COLEC10: variants seen among roughly 807,000 people sequenced by gnomAD.
COLEC10 encodes the protein collectin subfamily member 10, also known as collectin-10.
Under a neutral mutation model 28.4 loss-of-function variants are expected in COLEC10, and 22 were observed. The observed-to-expected ratio is 0.78, with a 90% CI of 0.55 to 1.11. The LOEUF (loss-of-function observed/expected upper bound fraction) is 1.11, where lower values mean the gene tolerates loss of function less well. Ranked by LOEUF, COLEC10 falls within the 50% of genes least tolerant of loss-of-function variation. The pLI is 0.00. For missense variants in COLEC10, 361 were observed against 344.1 expected (o/e 1.05, Z -0.39); for synonymous variants, 125 against 116.1 (o/e 1.08, Z -0.49).
At chr8:118,957,416 C>G in the COLEC10 span, among the ~76,000 whole-genome samples, 3 of 152,084 alleles carry the variant, frequency 2.0e-5, no homozygotes, top group Non-Finnish European at 4.4e-5. Flanking sequence ...TGAAGAAGCC[C>G]CTTTTGATCA....
At chr8:119,028,564 G>C (rs1284661864) in intron 2 of COLEC10, among the ~76,000 whole-genome samples, 2 of 152,152 alleles carry the variant, frequency 1.3e-5, no homozygotes, top group Non-Finnish European at 2.9e-5. Context: ...ACTATCAGGA[G>C]AATAGCACGG....
intron 1 of COLEC10, among the ~76,000 whole-genome samples, chr8:119,085,853 A>G (rs1246883748): frequency 6.6e-6 from 1 of 151,616 alleles, no homozygotes; most frequent in East Asian, 1.9e-4. Flanking sequence ...CCTGACTTCA[A>G]ACAATCCACC....
intron 2 of COLEC10, among the ~76,000 whole-genome samples, chr8:119,039,404 A>G (rs1054291312): frequency 6.6e-6 from 1 of 152,092 alleles, no homozygotes; most frequent in Non-Finnish European, 1.5e-5. Context: ...GTCTTCCTCC[A>G]CCAGACTGTA....
At chr8:119,076,543 G>A (rs1229749504) in intron 1 of COLEC10, among the ~76,000 whole-genome samples, 1 of 152,172 alleles carries the variant, frequency 6.6e-6, no homozygotes, top group East Asian at 1.9e-4. Flanking sequence ...GATTACAGGC[G>A]TGAGCCACCA....
At chr8:119,030,578 A>G (rs1814270041) in intron 2 of COLEC10, among the ~76,000 whole-genome samples, 1 of 152,210 alleles carries the variant, frequency 6.6e-6, no homozygotes, top group South Asian at 2.1e-4. Context: ...TCATGTGAAT[A>G]TAAACAGGTT....
chr8:118,993,730 G>A (rs539630352), upstream of COLEC10, among the ~76,000 whole-genome samples: 5 of 152,204 alleles, frequency 3.3e-5, no homozygotes, highest in African/African-American at 1.2e-4. Context: ...AAATGAGGGC[G>A]CATGTTAGTG....
At chr8:119,081,653 G>A (rs1815372151) in intron 1 of COLEC10, among the ~76,000 whole-genome samples, 2 of 152,144 alleles carry the variant, frequency 1.3e-5, no homozygotes, top group African/African-American at 4.8e-5. Context: ...AGAAGGTTGT[G>A]CAGCAGAGAA....
chr8:119,079,672 C>G (rs1324676415), intron 1 of COLEC10, among the ~76,000 whole-genome samples: 1 of 124,642 alleles, frequency 8.0e-6, no homozygotes, highest in Non-Finnish European at 1.6e-5. Context: ...TCCAAGTGAT[C>G]GTTCTTTTTA....
chr8:118,967,869 C>A, the COLEC10 span, among the ~76,000 whole-genome samples: 1 of 151,754 alleles, frequency 6.6e-6, no homozygotes, highest in Non-Finnish European at 1.5e-5. Context: ...TTAGTAAAAC[C>A]CTAAAGTATC....
At chr8:119,041,998 GT>G (rs1456457179) in intron 2 of COLEC10, among the ~76,000 whole-genome samples, 1 of 151,260 alleles carries the variant, frequency 6.6e-6, no homozygotes. Context: ...ATTGTTTTTG[GT>G]TTTTTTTGGT....
chr8:119,009,311 A>C (rs569829017), intron 1 of COLEC10: 2 of 151,146 alleles, frequency 1.3e-5, no homozygotes, highest in South Asian at 2.1e-4. Context: ...GGTGCCTGTG[A>C]GAGGCGATTT....
At position 118,999,595 on chromosome 8, in the gene COLEC10, A is replaced by AT. The variant is rs1011618556; in HGVS notation, n.122+4022_122+4023insT. Among the ~76,000 whole-genome samples the AT allele has an allele frequency of 1.5e-4, 22 of 149,250 alleles. 1 individual carries two copies. The highest frequency in any genetic ancestry group is 4.9e-4 in the African/African-American group (20 of 41,040). On this transcript the variant is annotated intron_variant and non_coding_transcript_variant, in intron 1 of 6. Transcript: ENST00000521788. ...AACAGAGCAAGACTCCATCTCAATA[A>AT]AAAAAAAAAAAGAGCCAGCAAAGGA...
chr8:119,018,321 T>C lies in COLEC10; in HGVS notation n.235+8768T>C, dbSNP rs144962634. ...CTTTTTCTGTGTGTTCTTAAAGGTA[T>C]TGCCTTATTTACTTTGATGGTTTCT... On this transcript the variant is annotated intron_variant and non_coding_transcript_variant, in intron 2 of 6. Coordinates refer to the COLEC10 transcript ENST00000521788. Among the ~76,000 whole-genome samples the C allele has an allele frequency of 9.8e-5, 15 of 152,332 alleles. No individual in the cohort carries two copies. In the East Asian group the frequency reaches 2.9e-3, roughly 29 times the overall value.
chr8:119,061,131 A>G (rs775160473), intron 2 of COLEC10, among the ~76,000 whole-genome samples: 7 of 152,082 alleles, frequency 4.6e-5, no homozygotes, highest in Admixed American at 6.6e-5. Flanking sequence ...GTGTATTTAT[A>G]AATAATTTAT....
At chr8:119,089,609 C>T (rs1263596753) in intron 1 of COLEC10, 71 bp from the exon 2 acceptor site, 1 of 1,254,060 alleles carries the variant, frequency 8.0e-7, no homozygotes, top group African/African-American at 1.5e-5. Flanking sequence ...CCATGTCCAC[C>T]TTACCCTGGG....
chr8:119,067,605 T>C (rs1814997411), intron 1 of COLEC10, 176 bp downstream of exon 1: 2 of 580,034 alleles, frequency 3.4e-6, no homozygotes, highest in Non-Finnish European at 5.9e-6. Flanking sequence ...TATTTAAAGC[T>C]CTCCTTTGAT....
chr8:118,997,359 G>A (rs781736971), intron 1 of COLEC10, among the ~76,000 whole-genome samples: 52 of 152,068 alleles, frequency 3.4e-4, no homozygotes, highest in Non-Finnish European at 6.3e-4. Flanking sequence ...TGCTTTTGAT[G>A]TCATATCCAA....
At chr8:119,036,809 G>C (rs1311239225) in intron 2 of COLEC10, among the ~76,000 whole-genome samples, 2 of 152,160 alleles carry the variant, frequency 1.3e-5, no homozygotes. Context: ...ATAACCTGGA[G>C]CTAGAAAATA....
chr8:119,071,209 A>G lies in COLEC10; in HGVS notation c.148+3780A>G, dbSNP rs141574475. Among the ~76,000 whole-genome samples the G allele has an allele frequency of 8.3e-4, 126 of 152,332 alleles. 1 individual carries two copies. Among genetic ancestry groups the G allele is most frequent in the African/African-American group, 3.0e-3 (125 of 41,570 alleles). ...TAAAATATGCTGAAAATGATGGCAT[A>G]TCTCCTCTTTGATAATCAACTTCAT... On this transcript the variant is annotated intron_variant, in intron 1 of 5. Coordinates refer to ENST00000332843, the MANE Select transcript of COLEC10 (RefSeq NM_006438.5).
Sources: gnomAD v4.1 joint callset for allele counts (sites outside exome capture counted in the v4.1 genomes callset) on GRCh38, gnomAD v4.1.1 for gene constraint, MANE v1.5 for transcripts, NCBI Gene and HGNC (gene_info 2026-07-23, HGNC 2026-07-21) for gene names.